ADGRA1: variants seen among roughly 807,000 people sequenced by gnomAD.
The protein encoded by ADGRA1 is adhesion G protein-coupled receptor A1.
In ADGRA1, 12 loss-of-function variants were observed where a neutral mutation model predicts 21.3. The ratio of observed to expected loss-of-function variants is 0.56; its 90% CI spans 0.36 to 0.91. ADGRA1 has a LOEUF of 0.91. ADGRA1 is among the 40% of genes least tolerant of loss of function. The pLI is 0.01. For synonymous variants in ADGRA1, 385 were observed against 368.8 expected, an observed-to-expected ratio of 1.04 and a Z score of -0.50; for missense variants, 790 against 805.6, an observed-to-expected ratio of 0.98 and a Z score of 0.23.
intron 2 of ADGRA1, chr10:133,095,679 C>G (rs1219570931): frequency 1.3e-6 from 2 of 1,597,200 alleles, no homozygotes; most frequent in Admixed American, 1.7e-5. Flanking sequence ...TGGACACTCT[C>G]TAGCCAGCCA....
chr10:133,128,665 G>T lies in ADGRA1; in HGVS notation c.837G>T (p.Gln279His). The change falls in exon 7 of 7, where the codon CAG (glutamine) becomes CAT (histidine). Residue 279 changes from glutamine (Q) to histidine (H), a missense_variant. By Grantham distance (24) the Gln-to-His change is conservative. Around this residue, in one of 3 missense-constraint regions of ADGRA1, gnomAD observed 382 missense variants for 415.6 expected, o/e 0.92. Coordinates refer to ENST00000392607, the MANE Select transcript of ADGRA1 (RefSeq NM_001083909.3). ...TWAFGALAVSQGHFLDMVFSC... is the reference protein window; with the variant it reads ...TWAFGALAVSHGHFLDMVFSC... ...CCTTCGGGGCGCTGGCGGTGTCACA[G>T]GGCCACTTCCTGGACATGGTCTTCA... 6.2e-7 allele frequency: 1 copy of T among 1,610,470 alleles called. No individual in the cohort carries two copies.
intron 5 of ADGRA1, among the ~76,000 whole-genome samples, chr10:133,124,654 G>A (rs1852341005): frequency 2.6e-5 from 4 of 152,248 alleles, no homozygotes; most frequent in Admixed American, 2.6e-4. Context: ...AGCGCCCAGA[G>A]GAGGAGGACA....
intron 5 of ADGRA1, among the ~76,000 whole-genome samples, chr10:133,123,554 G>A (rs4543899): frequency 0.13 from 20,378 of 152,160 alleles, 1,525 homozygotes; most frequent in Non-Finnish European, 0.16. Context: ...GGGGTTCACC[G>A]CACAGCTGGG....
At chr10:133,090,503 C>T (rs1260172474) in intron 2 of ADGRA1, among the ~76,000 whole-genome samples, 7 of 152,224 alleles carry the variant, frequency 4.6e-5, no homozygotes, top group East Asian at 3.8e-4. Flanking sequence ...GTTGCCCTCC[C>T]GTGCTGCATC....
Position 133,097,057 on chromosome 10 carries a change from G to T in ADGRA1, c.87G>T (p.Leu29=), listed in dbSNP as rs1020844156. Residue 29 remains leucine (L), a synonymous_variant, in exon 3 of 7, where the codon CTG becomes CTT. Transcript: ENST00000392607. ...PVVYACTAVM[L]LCLLASFVTY... is the part of the protein sequence containing the mutation. ...TGTACGCGTGCACGGCCGTCATGCT[G>T]CTCTGCCTCCTGGCCTCCTTCGTCA... is the stretch of plus-strand genomic sequence containing the variant. 4 of 1,610,044 alleles carry T rather than the reference G, an allele frequency of 2.5e-6. No individual in the cohort carries two copies. The highest frequency in any genetic ancestry group is 2.2e-5 in the South Asian group (2 of 91,092).
intron 4 of ADGRA1, among the ~76,000 whole-genome samples, chr10:133,101,935 C>T (rs906184364): frequency 1.3e-5 from 2 of 152,246 alleles, no homozygotes; most frequent in African/African-American, 2.4e-5. Context: ...GAAAATTGAG[C>T]TCTGGATCTG....
rs375891033 is a variant in ADGRA1, at chr10:133,088,921, G to C, written c.3+9G>C. 1.0e-5 allele frequency: 13 copies of C among 1,241,064 alleles called. No homozygotes were observed. Among genetic ancestry groups the C allele is most frequent in the Middle Eastern group, 4.1e-4 (2 of 4,868 alleles). 76.9% of individuals were successfully genotyped at this position (1,241,064 alleles called of 1,614,324 possible). The stretch of plus-strand genomic sequence containing the variant: ...ACTTTGCAGCGCTCATGGTGAGTAC[G>C]GGGGTCCCGGGGGTCCTGCAGCTGG... On this transcript the variant is annotated intron_variant, in intron 2 of 6. Coordinates refer to ENST00000392607, the MANE Select transcript of ADGRA1 (RefSeq NM_001083909.3).
chr10:133,118,699 C>T (rs1852200335), intron 5 of ADGRA1, among the ~76,000 whole-genome samples: 1 of 152,162 alleles, frequency 6.6e-6, no homozygotes, highest in Admixed American at 6.5e-5. Flanking sequence ...CAGGTCCTGC[C>T]CTCAACACAT....
At chr10:133,125,780 C>T (rs1852366110) in intron 5 of ADGRA1, among the ~76,000 whole-genome samples, 1 of 152,160 alleles carries the variant, frequency 6.6e-6, no homozygotes, top group Non-Finnish European at 1.5e-5. Flanking sequence ...AATCCGCAAC[C>T]TTTCCACAGC....
intron 2 of ADGRA1, among the ~76,000 whole-genome samples, chr10:133,089,465 C>A (rs1281756038): frequency 6.6e-6 from 1 of 152,232 alleles, no homozygotes; most frequent in Non-Finnish European, 1.5e-5. Flanking sequence ...CTGGCTGGAT[C>A]GGCTAGCCGA....
chr10:133,093,122 AAAG>A, intron 2 of ADGRA1: 1 of 1,596,392 alleles, frequency 6.3e-7, no homozygotes, highest in East Asian at 2.2e-5. Flanking sequence ...ACTGTGCAGG[AAAG>A]AAGGTTCCTC....
chr10:133,095,526 A>C, intron 2 of ADGRA1: 9 of 1,158,182 alleles, frequency 7.8e-6, no homozygotes, highest in Non-Finnish European at 9.4e-6. Flanking sequence ...GCCCTCGCAC[A>C]GGTCCAGGCT....
intron 5 of ADGRA1, among the ~76,000 whole-genome samples, chr10:133,122,716 G>A (rs1020814667): frequency 2.6e-5 from 4 of 152,150 alleles, no homozygotes; most frequent in Non-Finnish European, 4.4e-5. Flanking sequence ...GGGCAGAAGC[G>A]AGAACCTTGG....
intron 5 of ADGRA1, among the ~76,000 whole-genome samples, chr10:133,123,534 G>A (rs548036462): frequency 1.3e-5 from 2 of 152,166 alleles, no homozygotes. Context: ...TCCTGTAACT[G>A]TGTGTAGCTG....
intron 2 of ADGRA1, among the ~76,000 whole-genome samples, chr10:133,089,274 C>G (rs1314110760): frequency 6.6e-6 from 1 of 152,192 alleles, no homozygotes; most frequent in Non-Finnish European, 1.5e-5. Context: ...GCCCCTCCAC[C>G]CTGGTCACCG....
chr10:133,123,625 T>A (rs1852317533), intron 5 of ADGRA1, among the ~76,000 whole-genome samples: 1 of 152,084 alleles, frequency 6.6e-6, no homozygotes, highest in Non-Finnish European at 1.5e-5. Flanking sequence ...CTAAAGCAAC[T>A]CAGGGGGATC....
chr10:133,107,898 G>A (rs1851921136), intron 5 of ADGRA1, among the ~76,000 whole-genome samples: 1 of 152,208 alleles, frequency 6.6e-6, no homozygotes, highest in African/African-American at 2.4e-5. Context: ...TGTGGTTTTG[G>A]GTGGCTTGTC....
At chr10:133,090,634 C>T (rs891436702) in intron 2 of ADGRA1, among the ~76,000 whole-genome samples, 3 of 152,154 alleles carry the variant, frequency 2.0e-5, no homozygotes, top group South Asian at 2.1e-4. Flanking sequence ...ACCCCATGGC[C>T]ATGGGGTCTT....
At chr10:133,101,461 C>T (rs1851793410) in intron 4 of ADGRA1, among the ~76,000 whole-genome samples, 1 of 152,228 alleles carries the variant, frequency 6.6e-6, no homozygotes, top group Non-Finnish European at 1.5e-5. Flanking sequence ...TCCCTGCAGC[C>T]TCTCCATCTG....
Sources: gnomAD v4.1 joint callset for allele counts (sites outside exome capture counted in the v4.1 genomes callset) on GRCh38, gnomAD v4.1.1 for gene constraint, gnomAD v4.1.1 regional missense constraint, MANE v1.5 for transcripts, NCBI Gene and HGNC (gene_info 2026-07-23, HGNC 2026-07-21) for gene names.